MSH3: variants seen among roughly 807,000 people sequenced by gnomAD.
MSH3 encodes DNA mismatch repair protein Msh3.
In MSH3, 106 loss-of-function variants were observed where a neutral mutation model predicts 123.3. That is an observed-to-expected ratio of 0.86 (90% CI 0.73 to 1.01). The LOEUF (loss-of-function observed/expected upper bound fraction) is 1.01, where lower values mean the gene tolerates loss of function less well. Among genes scored for constraint, MSH3 ranks in the 50% least tolerant of loss-of-function variants. The pLI is 0.00. For synonymous variants in MSH3, 515 were observed against 481.4 expected (o/e 1.07, Z -0.91); for missense variants, 1,459 against 1,347.6 (o/e 1.08, Z -1.29).
intron 2 of MSH3, among the ~76,000 whole-genome samples, chr5:80,657,233 G>A (rs530161596): frequency 9.2e-5 from 14 of 152,266 alleles, no homozygotes; most frequent in African/African-American, 3.1e-4. Flanking sequence ...CTGAGGTCAG[G>A]AGTTTAAGAC....
chr5:80,872,980 A>G, intron 22 of MSH3, 136 bp from the exon 23 acceptor site: 1 of 785,960 alleles, frequency 1.3e-6, no homozygotes, highest in Admixed American at 2.1e-5. Flanking sequence ...TGATAAATGG[A>G]TCTAACAGGC....
At chr5:80,753,297 A>G (rs1022389183) in intron 12 of MSH3, among the ~76,000 whole-genome samples, 18 of 152,098 alleles carry the variant, frequency 1.2e-4, no homozygotes, top group Non-Finnish European at 2.1e-4. Flanking sequence ...GGGTGCTTGC[A>G]CTGTCAGTTT....
At chr5:80,693,186 TATAG>T (rs1192699711) in intron 8 of MSH3, among the ~76,000 whole-genome samples, 44 of 65,716 alleles carry the variant, frequency 6.7e-4, no homozygotes, top group African/African-American at 2.1e-3. Context: ...TATATGTTTA[TATAG>T]ATAAATATAC....
chr5:80,673,039 A>G (rs1332069426), intron 6 of MSH3, among the ~76,000 whole-genome samples, 181 bp downstream of exon 6: 2 of 152,226 alleles, frequency 1.3e-5, no homozygotes, highest in African/African-American at 4.8e-5. Context: ...GCTGGAAACA[A>G]GCATCTTTTC....
At chr5:80,662,198 C>T (rs530234259) in intron 2 of MSH3, among the ~76,000 whole-genome samples, 17 of 152,318 alleles carry the variant, frequency 1.1e-4, no homozygotes, top group Non-Finnish European at 1.9e-4. Flanking sequence ...AGTACAGTAA[C>T]ATGCTATACA....
At chr5:80,844,209 TTGAG>T (rs976365055) in intron 20 of MSH3, among the ~76,000 whole-genome samples, 1 of 152,118 alleles carries the variant, frequency 6.6e-6, no homozygotes, top group African/African-American at 2.4e-5. Context: ...TTGTGCAGTT[TTGAG>T]TGAGTTTCTT....
At chr5:80,737,659 T>C (rs1024967288) in intron 10 of MSH3, among the ~76,000 whole-genome samples, 4 of 152,192 alleles carry the variant, frequency 2.6e-5, no homozygotes, top group Admixed American at 1.3e-4. Context: ...CTGGTAGATA[T>C]AACCCTTAGT....
intron 20 of MSH3, among the ~76,000 whole-genome samples, chr5:80,818,948 T>C (rs753306250): frequency 2.6e-5 from 4 of 152,232 alleles, no homozygotes; most frequent in Admixed American, 6.5e-5. Flanking sequence ...TCGTGTAGGA[T>C]AGGCATTGTT....
intron 12 of MSH3, among the ~76,000 whole-genome samples, chr5:80,757,049 T>C (rs1404231146): frequency 6.6e-6 from 1 of 152,140 alleles, no homozygotes; most frequent in Non-Finnish European, 1.5e-5. Flanking sequence ...TAGCAGTTTG[T>C]ATTTCAGCTC....
chr5:80,753,396 G>T (rs1389510429), intron 12 of MSH3, among the ~76,000 whole-genome samples: 1 of 152,186 alleles, frequency 6.6e-6, no homozygotes, highest in Non-Finnish European at 1.5e-5. Context: ...AATGTAGGGA[G>T]ACTTTAGGAG....
At chr5:80,827,484 A>G (rs1231183468) in intron 20 of MSH3, among the ~76,000 whole-genome samples, 2 of 152,174 alleles carry the variant, frequency 1.3e-5, no homozygotes, top group Non-Finnish European at 2.9e-5. Context: ...GAGTATTTGT[A>G]CTCTATACAA....
chr5:80,832,289 G>C (rs547335190), intron 20 of MSH3, among the ~76,000 whole-genome samples: 1 of 152,156 alleles, frequency 6.6e-6, no homozygotes, highest in Middle Eastern at 3.4e-3. Flanking sequence ...TACTCTTAAT[G>C]GATACAGAGT....
At chr5:80,688,616 ATGAAG>A (rs1009867752) in intron 8 of MSH3, among the ~76,000 whole-genome samples, 1 of 151,914 alleles carries the variant, frequency 6.6e-6, no homozygotes, top group Admixed American at 6.6e-5. Flanking sequence ...TGGTGCCAAA[ATGAAG>A]TGATAACTGT....
chr5:80,663,099 A>G (rs777697104), intron 2 of MSH3, among the ~76,000 whole-genome samples: 2 of 152,140 alleles, frequency 1.3e-5, no homozygotes, highest in Non-Finnish European at 2.9e-5. Flanking sequence ...TTAGTTGGCC[A>G]TGGTGGCACT....
At chr5:80,847,816 C>T (rs978337617) in intron 20 of MSH3, among the ~76,000 whole-genome samples, 1 of 152,208 alleles carries the variant, frequency 6.6e-6, no homozygotes, top group Non-Finnish European at 1.5e-5. Flanking sequence ...CCTATTTGAG[C>T]AGCTTTCAAC....
chr5:80,673,724 A>C (rs1749771315), intron 6 of MSH3, among the ~76,000 whole-genome samples: 1 of 152,208 alleles, frequency 6.6e-6, no homozygotes, highest in African/African-American at 2.4e-5. Flanking sequence ...AAGAATTTTC[A>C]ATGTGCATAA....
At chr5:80,662,539 A>G (rs1749459107) in intron 2 of MSH3, among the ~76,000 whole-genome samples, 1 of 152,164 alleles carries the variant, frequency 6.6e-6, no homozygotes, top group Non-Finnish European at 1.5e-5. Context: ...AAAACATTTT[A>G]TTTGGGGCGG....
At chr5:80,698,372 G>T (rs1750531941) in intron 8 of MSH3, among the ~76,000 whole-genome samples, 1 of 152,194 alleles carries the variant, frequency 6.6e-6, no homozygotes, top group African/African-American at 2.4e-5. Context: ...AAATGAGAAA[G>T]ATCCCTCCTT....
intron 20 of MSH3, among the ~76,000 whole-genome samples, chr5:80,830,774 C>T (rs6151904): frequency 0.16 from 24,029 of 152,078 alleles, 2,004 homozygotes; most frequent in East Asian, 0.24. Context: ...TAGACAGGGC[C>T]AGGGAACACT....
Sources: allele counts gnomAD v4.1 joint callset (sites outside exome capture counted in the v4.1 genomes callset), GRCh38; gene constraint gnomAD v4.1.1; transcripts MANE v1.5; gene names NCBI Gene and HGNC (gene_info 2026-07-23, HGNC 2026-07-21).